Variants in SETD5 observed in about 807,000 individuals in gnomAD.
SETD5 encodes histone-lysine N-methyltransferase SETD5.
A neutral mutation model predicts 153.3 loss-of-function variants in SETD5; 44 were observed. The observed-to-expected ratio is 0.29, with a 90% CI of 0.23 to 0.37. SETD5 has a LOEUF of 0.37. Among genes scored for constraint, SETD5 ranks in the 10% least tolerant of loss-of-function variants. The pLI, the probability that SETD5 is intolerant of heterozygous loss-of-function variation, is 1.00. For synonymous variants in SETD5, 716 were observed against 645.2 expected (o/e 1.11, Z -1.66); for missense variants, 1,544 against 1,768.0 (o/e 0.87, Z 2.27).
chr3:9,447,448 C>A (rs2042147973), intron 14 of SETD5, 141 bp downstream of exon 14: 2 of 1,257,630 alleles, frequency 1.6e-6, no homozygotes, highest in East Asian at 4.7e-5. Flanking sequence ...TTAACTGGAA[C>A]CATTTCATTG....
At chr3:9,455,168 CTTT>C (rs903600741) in intron 17 of SETD5, among the ~76,000 whole-genome samples, 1 of 99,916 alleles carries the variant, frequency 1.0e-5, no homozygotes, top group Non-Finnish European at 2.0e-5. Flanking sequence ...TTCTTTTTTT[CTTT>C]TTTTTTTTTT....
At chr3:9,414,424 A>C (rs1021982522) in intron 1 of SETD5, among the ~76,000 whole-genome samples, 6 of 152,078 alleles carry the variant, frequency 3.9e-5, no homozygotes, top group African/African-American at 1.4e-4. Context: ...TTCGGGGATG[A>C]GTATGAGGCT....
intron 2 of SETD5, chr3:9,426,042 T>A (rs941862431): frequency 3.3e-5 from 5 of 152,044 alleles, no homozygotes; most frequent in African/African-American, 1.2e-4. Flanking sequence ...AGTATTTAAC[T>A]GTCTTTTGGG....
chr3:9,456,146 C>T (rs1156366660), intron 17 of SETD5, among the ~76,000 whole-genome samples: 1 of 151,992 alleles, frequency 6.6e-6, no homozygotes, highest in African/African-American at 2.4e-5. Flanking sequence ...TACTTGAAAA[C>T]CAGCTGTCCC....
chr3:9,465,124 T>A (rs1252786418), intron 18 of SETD5, among the ~76,000 whole-genome samples: 1 of 152,210 alleles, frequency 6.6e-6, no homozygotes, highest in Non-Finnish European at 1.5e-5. Context: ...TTTGGTATTT[T>A]CATTGTGGCC....
At chr3:9,409,220 A>G (rs1474150508) in intron 1 of SETD5, among the ~76,000 whole-genome samples, 1 of 152,024 alleles carries the variant, frequency 6.6e-6, no homozygotes, top group African/African-American at 2.4e-5. Flanking sequence ...ATATTAGATG[A>G]TATTTTCTTA....
rs150583070 is a variant in SETD5, at chr3:9,476,974, C to A, written c.*883C>A. The A allele has an allele frequency of 6.6e-6, 1 of 152,586 alleles. No individual in the cohort carries two copies. The highest frequency in any genetic ancestry group is 2.4e-5 in the African/African-American group (1 of 41,424). The allele number at this position is 152,586 out of a possible 1,614,324, so 9.5% of individuals were successfully genotyped here. On this transcript the variant is annotated 3_prime_UTR_variant, in exon 23 of 23. Coordinates refer to ENST00000402198, the MANE Select transcript of SETD5 (RefSeq NM_001080517.3). Reference sequence around the variant, plus strand: ...GATACCGAGTGGTTTGGGAATGCTTCGAATTTTATTTTTTCTACTCCCAAT... The same window carrying A: ...GATACCGAGTGGTTTGGGAATGCTTAGAATTTTATTTTTTCTACTCCCAAT...
intron 1 of SETD5, among the ~76,000 whole-genome samples, chr3:9,412,499 C>T (rs571972398): frequency 4.1e-5 from 6 of 147,426 alleles, no homozygotes; most frequent in Admixed American, 1.4e-4. Flanking sequence ...AACCACTGGG[C>T]TCAAGCAGTC....
chr3:9,445,447 C>A (rs932014755), intron 12 of SETD5, 147 bp downstream of exon 12: 4 of 1,013,012 alleles, frequency 3.9e-6, no homozygotes, highest in Non-Finnish European at 5.8e-6. Context: ...TCATACATTT[C>A]TTTCTGTTTT....
intron 1 of SETD5, among the ~76,000 whole-genome samples, chr3:9,410,562 TGGG>T (rs1415551212): frequency 2.0e-5 from 3 of 152,236 alleles, no homozygotes; most frequent in Middle Eastern, 3.4e-3. Context: ...TTTACGAAGC[TGGG>T]TATAATCAGA....
At chr3:9,426,207 C>T (rs2039178827) in intron 2 of SETD5, 1 of 78,114 alleles carries the variant, frequency 1.3e-5, no homozygotes, top group Admixed American at 1.6e-4. Context: ...AAAAGTTCAT[C>T]AGTCCCTTTT....
At chr3:9,440,729 G>A in intron 8 of SETD5, 31 bp downstream of exon 8, 1 of 1,597,586 alleles carries the variant, frequency 6.3e-7, no homozygotes, top group Non-Finnish European at 8.5e-7. Context: ...GACTCTCTAA[G>A]TAGCTGAAAT....
rs1181087279 is a variant in SETD5, at chr3:9,477,794, G to A, written c.*1703G>A. The A allele has an allele frequency of 6.6e-6, 1 of 151,356 alleles. No homozygotes were observed. The highest frequency in any genetic ancestry group is 2.1e-4 in the South Asian group (1 of 4,786). The allele number at this position is 151,356 out of a possible 1,614,324, so 9.4% of individuals were successfully genotyped here. A position where few individuals can be genotyped will look rare whatever the true frequency, so the allele number is the denominator to read the frequency against. ...GAGCATTGGGAGTGGAAATCATGTT[G>A]CCTGGGATGCTGGTTTCTTTGTATA... On this transcript the variant is annotated 3_prime_UTR_variant, in exon 23 of 23. Transcript: ENST00000402198.
chr3:9,437,058 G>A (rs772046295), intron 7 of SETD5, among the ~76,000 whole-genome samples: 2 of 152,076 alleles, frequency 1.3e-5, no homozygotes, highest in Non-Finnish European at 2.9e-5. Context: ...AGATTTTCTT[G>A]GCCATTTTCT....
At chr3:9,445,973 T>TTTTTTTTTTGTTTTG (rs2041921263) in intron 13 of SETD5, among the ~76,000 whole-genome samples, 1 of 146,456 alleles carries the variant, frequency 6.8e-6, no homozygotes, top group Admixed American at 6.8e-5. Context: ...TTGTTTTTTT[T>TTTTTTTTTTGTTTTG]TTTTTTTTTT....
At chr3:9,454,992 TC>T (rs1575516598) in intron 17 of SETD5, among the ~76,000 whole-genome samples, 1 of 152,236 alleles carries the variant, frequency 6.6e-6, no homozygotes, top group Middle Eastern at 3.4e-3. Context: ...ACTTCATTGT[TC>T]CTGTTTACCA....
chr3:9,427,592 A>AG (rs1381513407), intron 2 of SETD5, among the ~76,000 whole-genome samples: 6 of 152,188 alleles, frequency 3.9e-5, no homozygotes, highest in African/African-American at 1.4e-4. Flanking sequence ...GGGTTGACTC[A>AG]GTCGGTATCA....
At chr3:9,450,749 A>G (rs757391187) in intron 16 of SETD5, among the ~76,000 whole-genome samples, 12 of 152,336 alleles carry the variant, frequency 7.9e-5, no homozygotes, top group South Asian at 2.1e-4. Context: ...GTATATTTCT[A>G]ATAGGCTCAC....
At chr3:9,435,144 G>A (rs1458206862) in intron 6 of SETD5, among the ~76,000 whole-genome samples, 1 of 151,586 alleles carries the variant, frequency 6.6e-6, no homozygotes, top group East Asian at 1.9e-4. Context: ...TTGGGAGGCT[G>A]AGGCAGGAGA....
Sources: allele counts gnomAD v4.1 joint callset (sites outside exome capture counted in the v4.1 genomes callset), GRCh38; gene constraint gnomAD v4.1.1; transcripts MANE v1.5; gene names NCBI Gene and HGNC (gene_info 2026-07-23, HGNC 2026-07-21).